The following RAB3C variants were observed in gnomAD, a reference collection of about 807,000 sequenced individuals.
RAB3C encodes ras-related protein Rab-3C.
A neutral mutation model predicts 26.4 loss-of-function variants in RAB3C; 17 were observed. That is an observed-to-expected ratio of 0.64 (90% CI 0.44 to 0.97). RAB3C has a LOEUF of 0.97. Among genes scored for constraint, RAB3C ranks in the 50% least tolerant of loss-of-function variants. RAB3C has a pLI of 0.00. For missense variants in RAB3C, 242 were observed against 281.9 expected (o/e 0.86, Z 1.01); for synonymous variants, 91 against 95.9 (o/e 0.95, Z 0.30).
At chr5:58,781,810 A>C (rs1296891983) in intron 3 of RAB3C, among the ~76,000 whole-genome samples, 1 of 152,066 alleles carries the variant, frequency 6.6e-6, no homozygotes, top group Admixed American at 6.6e-5. Flanking sequence ...ACCCTGAACC[A>C]AACCAGAATG....
chr5:58,809,819 A>G (rs1375394549), intron 3 of RAB3C, among the ~76,000 whole-genome samples: 3 of 152,204 alleles, frequency 2.0e-5, no homozygotes, highest in Non-Finnish European at 4.4e-5. Context: ...CCAGACTCCA[A>G]ACTGAGAGAA....
chr5:58,618,007 TTC>T (rs1746861707), intron 2 of RAB3C, 137 bp downstream of exon 2: 2 of 620,552 alleles, frequency 3.2e-6, no homozygotes, highest in Admixed American at 2.9e-5. Flanking sequence ...CTGCAGAACA[TTC>T]TGTTTCAAAG....
intron 2 of RAB3C, among the ~76,000 whole-genome samples, chr5:58,618,595 C>A (rs1016454104): frequency 1.3e-5 from 2 of 151,880 alleles, no homozygotes. Flanking sequence ...ATTTAGGAGA[C>A]CAGTGAGCAA....
intron 1 of RAB3C, among the ~76,000 whole-genome samples, chr5:58,616,021 C>T (rs292970): frequency 0.18 from 27,842 of 151,276 alleles, 2,882 homozygotes; most frequent in Admixed American, 0.27. Flanking sequence ...CCCCTGACTT[C>T]AGGTAACCAG....
intron 3 of RAB3C, among the ~76,000 whole-genome samples, chr5:58,748,190 G>T (rs2111958265): frequency 1.3e-5 from 2 of 152,170 alleles, no homozygotes; most frequent in Admixed American, 1.3e-4. Context: ...TTTCAAGGGG[G>T]GGGAAATGAT....
At chr5:58,644,783 A>G (rs987958878) in intron 2 of RAB3C, among the ~76,000 whole-genome samples, 15 of 152,186 alleles carry the variant, frequency 9.9e-5, no homozygotes, top group Non-Finnish European at 8.8e-5. Flanking sequence ...AAGCGTTACC[A>G]TGCACACTTG....
chr5:58,849,153 T>C (rs1312383145), intron 4 of RAB3C, among the ~76,000 whole-genome samples: 1 of 152,208 alleles, frequency 6.6e-6, no homozygotes, highest in Non-Finnish European at 1.5e-5. Context: ...TCTTTTATGA[T>C]ACCGTTCAAG....
intron 1 of RAB3C, among the ~76,000 whole-genome samples, chr5:58,592,698 T>C (rs769026926): frequency 1.3e-5 from 2 of 152,150 alleles, no homozygotes; most frequent in East Asian, 3.8e-4. Flanking sequence ...ATAAAATTTC[T>C]TGTTGATTTT....
At chr5:58,645,915 G>A (rs1242069918) in intron 2 of RAB3C, among the ~76,000 whole-genome samples, 4 of 152,152 alleles carry the variant, frequency 2.6e-5, no homozygotes, top group Admixed American at 2.6e-4. Context: ...TCTTTCCCAC[G>A]TTAGGAGAGG....
intron 2 of RAB3C, among the ~76,000 whole-genome samples, chr5:58,695,606 TG>T (rs1183485825): frequency 2.6e-5 from 4 of 152,196 alleles, no homozygotes; most frequent in African/African-American, 4.8e-5. Flanking sequence ...CGTTGAGCAG[TG>T]GTTTGTAATT....
chr5:58,659,859 A>G (rs1417108012), intron 2 of RAB3C, among the ~76,000 whole-genome samples: 1 of 152,206 alleles, frequency 6.6e-6, no homozygotes, highest in Non-Finnish European at 1.5e-5. Context: ...GCTGGAATGC[A>G]GTGACATGAT....
intron 1 of RAB3C, among the ~76,000 whole-genome samples, chr5:58,599,215 C>T (rs979859867): frequency 1.3e-5 from 2 of 152,194 alleles, no homozygotes; most frequent in South Asian, 4.2e-4. Context: ...TCTGCATGCA[C>T]GTAACTTTAG....
At chr5:58,801,920 C>T (rs1046067725) in intron 3 of RAB3C, among the ~76,000 whole-genome samples, 10 of 152,212 alleles carry the variant, frequency 6.6e-5, no homozygotes, top group Non-Finnish European at 1.5e-4. Context: ...GCCACAACAA[C>T]AAGAACAAAA....
At chr5:58,843,000 G>T (rs1352922585) in intron 4 of RAB3C, among the ~76,000 whole-genome samples, 1 of 152,192 alleles carries the variant, frequency 6.6e-6, no homozygotes, top group Admixed American at 6.5e-5. Context: ...AAGGTTAAGA[G>T]TGTGGACTTT....
chr5:58,805,875 C>T (rs1742930281), intron 3 of RAB3C, among the ~76,000 whole-genome samples: 1 of 151,980 alleles, frequency 6.6e-6, no homozygotes, highest in African/African-American at 2.4e-5. Flanking sequence ...GGGTGTGGGG[C>T]AGGGAGTATA....
At chr5:58,675,295 T>C (rs2111830778) in intron 2 of RAB3C, among the ~76,000 whole-genome samples, 1 of 152,278 alleles carries the variant, frequency 6.6e-6, no homozygotes, top group Non-Finnish European at 1.5e-5. Flanking sequence ...AGAGAAACAT[T>C]TTTTCTCCAC....
intron 1 of RAB3C, among the ~76,000 whole-genome samples, chr5:58,616,677 ATAT>A (rs1746831726): frequency 6.6e-6 from 1 of 152,272 alleles, no homozygotes; most frequent in East Asian, 1.9e-4. Flanking sequence ...TCCAAGTTAG[ATAT>A]TATATTTTCC....
Position 58,810,385 on chromosome 5 carries a change from CTGTG to C in RAB3C, c.372-14625_372-14622del, listed in dbSNP as rs70973156. On this transcript the variant is annotated intron_variant, in intron 3 of 4. Transcript: ENST00000282878. ...GTGTGCTCTCTCTCTCTCTCTCTCT[CTGTG>C]TGTGTGTGTGTGTGTGTGTGTGTGT... 4.3e-3 allele frequency among the ~76,000 whole-genome samples: 637 copies of C among 146,974 alleles called. 6 individuals are homozygous for C. Among genetic ancestry groups the C allele is most frequent in the African/African-American group, 0.015 (583 of 39,444 alleles).
chr5:58,624,418 T>A (rs1055815199), intron 2 of RAB3C, among the ~76,000 whole-genome samples: 34 of 152,316 alleles, frequency 2.2e-4, no homozygotes, highest in African/African-American at 7.5e-4. Context: ...ATTTTGCCCC[T>A]GTTTGAGCAG....
Sources: gnomAD v4.1 joint callset for allele counts (sites outside exome capture counted in the v4.1 genomes callset) on GRCh38, gnomAD v4.1.1 for gene constraint, MANE v1.5 for transcripts, NCBI Gene and HGNC (gene_info 2026-07-23, HGNC 2026-07-21) for gene names.